SLC7A10: variants seen among roughly 807,000 people sequenced by gnomAD.
The protein encoded by SLC7A10 is solute carrier family 7 member 10.
In SLC7A10, 30 loss-of-function variants were observed where a neutral mutation model predicts 52.7. That is an observed-to-expected ratio of 0.57 (90% CI 0.43 to 0.77). The LOEUF is 0.77. Ranked by LOEUF, SLC7A10 falls within the 30% of genes least tolerant of loss-of-function variation. The probability of loss-of-function intolerance (pLI) is 0.00; values close to 1 mark genes in which losing one functional copy is unlikely to be tolerated. For synonymous variants in SLC7A10, 318 were observed against 314.9 expected (o/e 1.01, Z -0.10); for missense variants, 581 against 698.5 (o/e 0.83, Z 1.90).
chr19:33,213,420 C>G (rs758874703), intron 2 of SLC7A10, among the ~76,000 whole-genome samples: 2 of 151,982 alleles, frequency 1.3e-5, no homozygotes, highest in African/African-American at 4.8e-5. Flanking sequence ...TCCCAAGTAG[C>G]TGGGACTACA....
intron 9 of SLC7A10, among the ~76,000 whole-genome samples, chr19:33,209,760 T>G (rs1408878784): frequency 6.6e-6 from 1 of 152,066 alleles, no homozygotes; most frequent in Non-Finnish European, 1.5e-5. Context: ...TGCACTTGGC[T>G]GGAGGTCAGT....
Position 33,212,320 on chromosome 19 carries a change from C to T in SLC7A10, c.760G>A (p.Val254Ile), listed in dbSNP as rs1974571654. Residue 254 changes from valine to isoleucine, a missense_variant, in exon 5 of 11, where the codon GTC becomes ATC. By Grantham distance (29) the Val-to-Ile change is conservative (BLOSUM62 3). Transcript: ENST00000253188. ...AFSGWNFLNY[V>I]TEEMVDARKN... ...CGGGCGTCAACCATCTCCTCGGTGA[C>T]ATAGTTGAGGAAGTTCCAGCCACTG... 1 of 1,612,318 alleles carries T rather than the reference C, an allele frequency of 6.2e-7. No homozygotes were observed. The highest frequency in any genetic ancestry group is 8.5e-7 in the Non-Finnish European group (1 of 1,179,572).
chr19:33,222,444 A>T (rs1012492935), intron 1 of SLC7A10, among the ~76,000 whole-genome samples: 1,485 of 82,208 alleles, frequency 0.018, 26 homozygotes, highest in Non-Finnish European at 0.025. Flanking sequence ...ATAAAATAAA[A>T]TAAATAAAAT....
chr19:33,211,001 A>G (rs1411395398), intron 7 of SLC7A10, 103 bp from the exon 8 acceptor site: 3 of 1,180,326 alleles, frequency 2.5e-6, no homozygotes, highest in Non-Finnish European at 3.7e-6. Flanking sequence ...CTCCGGGCCC[A>G]GCAGCCCCAC....
In SLC7A10 at chr19:33,225,846, G is replaced by T; in HGVS notation, c.-143C>A. 1.0e-6 allele frequency: 1 copy of T among 987,892 alleles called. No individual in the cohort carries two copies. The highest frequency in any genetic ancestry group is 1.3e-6 in the Non-Finnish European group (1 of 773,922). 61.2% of individuals were successfully genotyped at this position (987,892 alleles called of 1,614,324 possible). ...GGCGCATGCGCTGGCTCCGGGCCCG[G>T]GACTGGGGGCCCCGGGCGGCGGGGG... On this transcript the variant is annotated 5_prime_UTR_variant, in exon 1 of 11. Transcript: ENST00000253188.
rs774785374 is a variant in SLC7A10, at chr19:33,215,937, T to C, written c.188A>G (p.Lys63Arg). 1 of 1,594,616 alleles carries C rather than the reference T, an allele frequency of 6.3e-7. No homozygotes were observed. Among genetic ancestry groups the C allele is most frequent in the Non-Finnish European group, 8.6e-7 (1 of 1,165,874 alleles). The change falls in exon 2 of 11, where the codon AAG (lysine) becomes AGG (arginine). Residue 63 changes from lysine to arginine, a missense_variant. Coordinates refer to ENST00000253188, the MANE Select transcript of SLC7A10 (RefSeq NM_019849.3). ...IIGSGIFISPKGVLEHSGSVG... is the reference protein window; with the variant it reads ...IIGSGIFISPRGVLEHSGSVG... The stretch of plus-strand genomic sequence containing the variant: ...GGAGCCTGAGTGCTCCAGGACCCCC[T>C]TGGGCGAGATGAAGATGCCCGAGCC...
rs746734870 is a variant in SLC7A10 at position 33,212,963 on chromosome 19, G to C, written c.396C>G (p.Pro132=). Residue 132 remains proline (P), a synonymous_variant, in exon 3 of 11, where the codon CCC becomes CCG. Transcript: ENST00000253188. ...TCATGGAGATGACAGCAAGGCTGGT[G>C]GGGTACATGATGAGGACGGCGCTCC... ...LLWSAVLIMY[P]TSLAVISMTF... is the part of the protein sequence containing the mutation. 3.7e-6 allele frequency: 6 copies of C among 1,613,904 alleles called. No individual in the cohort carries two copies. Among genetic ancestry groups the C allele is most frequent in the Non-Finnish European group, 5.1e-6 (6 of 1,179,910 alleles).
intron 2 of SLC7A10, 138 bp downstream of exon 2, chr19:33,215,631 C>CCCCCACACCTTCTCTCCATCCAGCA: frequency 2.3e-6 from 1 of 444,188 alleles, no homozygotes; most frequent in Non-Finnish European, 3.4e-6. Context: ...TCTCCATCCA[C>CCCCCACACCTTCTCTCCATCCAGCA]CCCCCACACC....
At chr19:33,211,803 G>C (rs1974560495) in intron 5 of SLC7A10, 3 of 568,546 alleles carry the variant, frequency 5.3e-6, no homozygotes, top group South Asian at 4.1e-5. Flanking sequence ...TGTGCAGAAA[G>C]ATAAAATCGC....
At position 33,210,771 on chromosome 19, in the gene SLC7A10, C is replaced by T. The variant is rs377742543; in HGVS notation, c.1113+31G>A. ...GCATTGCCGGGTAGCCCTGCCTCCA[C>T]GCCCTGCCTGGCCCAGGTCCCCCAA... On this transcript the variant is annotated intron_variant, in intron 8 of 10. Coordinates refer to ENST00000253188, the MANE Select transcript of SLC7A10 (RefSeq NM_019849.3). The surrounding 1 kb of genome is among the most constrained non-coding windows in gnomAD (Gnocchi z 5.6). The T allele has an allele frequency of 3.2e-5, 52 of 1,611,446 alleles. No individual in the cohort carries two copies. Among genetic ancestry groups the T allele is most frequent in the South Asian group, 5.5e-5 (5 of 91,054 alleles).
chr19:33,216,590 A>C (rs1974689030), intron 1 of SLC7A10, among the ~76,000 whole-genome samples: 1 of 151,506 alleles, frequency 6.6e-6, no homozygotes, highest in South Asian at 2.1e-4. Context: ...TTCCTACTTC[A>C]ATTTCCTTTC....
At chr19:33,224,185 C>T (rs533101418) in intron 1 of SLC7A10, among the ~76,000 whole-genome samples, 4 of 152,292 alleles carry the variant, frequency 2.6e-5, no homozygotes, top group Admixed American at 2.6e-4. Context: ...CTATGACCCA[C>T]TCATGGTGTG....
At chr19:33,222,729 A>G (rs1204499802) in intron 1 of SLC7A10, among the ~76,000 whole-genome samples, 1 of 152,206 alleles carries the variant, frequency 6.6e-6, no homozygotes, top group Non-Finnish European at 1.5e-5. Flanking sequence ...TGTCCTGCAG[A>G]GCCCCTGCCC....
chr19:33,225,683 C>G lies in SLC7A10; in HGVS notation c.21G>C (p.Gln7His). Reference protein sequence around the residue: MAGHTQQPSGRGNPRPA... With the variant: MAGHTQHPSGRGNPRPA... ...GCCTGGGGTTCCCGCGCCCGCTCGG[C>G]TGCTGCGTGTGGCCGGCCATGTCGC... Residue 7 changes from glutamine (Q) to histidine (H), a missense_variant, in exon 1 of 11, where the codon CAG becomes CAC. Coordinates refer to ENST00000253188, the MANE Select transcript of SLC7A10 (RefSeq NM_019849.3). The G allele has an allele frequency of 1.3e-6, 2 of 1,548,376 alleles. No homozygotes were observed. The highest frequency in any genetic ancestry group is 1.2e-5 in the South Asian group (1 of 85,458).
In SLC7A10 at chr19:33,212,417, A is replaced by G. The variant is rs1974575084; in HGVS notation, c.663T>C (p.Asn221=). The part of the protein sequence containing the change: ...QGHFEELRPS[N]AFAFWMTPSV... ...AGGGCGTCATCCAGAAAGCAAAGGC[A>G]TTGCTGGGCCTCAGCTCCTCGAAGT... Residue 221 remains asparagine (N), a synonymous_variant, in exon 5 of 11, where the codon AAT becomes AAC. Coordinates refer to ENST00000253188, the MANE Select transcript of SLC7A10 (RefSeq NM_019849.3). 6.2e-7 allele frequency: 1 copy of G among 1,613,796 alleles called. No homozygotes were observed. Among genetic ancestry groups the G allele is most frequent in the Non-Finnish European group, 8.5e-7 (1 of 1,180,044 alleles).
rs751102281 is a variant in SLC7A10, at chr19:33,210,602, G to A, written c.1128C>T (p.Ala376=). Residue 376 remains alanine, a synonymous_variant, in exon 9 of 11, where the codon GCC becomes GCT. Transcript: ENST00000253188. The surrounding 1 kb of genome is among the most constrained non-coding windows in gnomAD (Gnocchi z 5.6). ...ACGTGTCGCCCACGAGCATGATGAC[G>A]GCTGTGGCCCCGCACTGGGAGAGGA... ...PALLVCCGAT[A]VIMLVGDTYT... The A allele has an allele frequency of 3.0e-5, 48 of 1,611,576 alleles. No homozygotes were observed. Among genetic ancestry groups the A allele is most frequent in the Admixed American group, 6.7e-5 (4 of 60,014 alleles).
intron 1 of SLC7A10, among the ~76,000 whole-genome samples, chr19:33,219,150 C>T (rs1974760906): frequency 6.6e-6 from 1 of 152,120 alleles, no homozygotes; most frequent in Non-Finnish European, 1.5e-5. Context: ...TGCAGGTCCT[C>T]CGTGGGCCAG....
chr19:33,213,070 G>A, intron 2 of SLC7A10, 68 bp from the exon 3 acceptor site: 4 of 1,547,768 alleles, frequency 2.6e-6, no homozygotes, highest in South Asian at 1.2e-5. Context: ...TGGCCCTGAT[G>A]TGTGCAGCAG....
chr19:33,212,968 A>G lies in SLC7A10; in HGVS notation c.391T>C (p.Tyr131His), dbSNP rs1974590683. The G allele has an allele frequency of 6.2e-7, 1 of 1,613,766 alleles. No homozygotes were observed. Among genetic ancestry groups the G allele is most frequent in the Non-Finnish European group, 8.5e-7 (1 of 1,179,844 alleles). ...LLLWSAVLIM[Y>H]PTSLAVISMT... ...GAGATGACAGCAAGGCTGGTGGGGT[A>G]CATGATGAGGACGGCGCTCCAGAGC... The change falls in exon 3 of 11, where the codon TAC becomes CAC. Residue 131 changes from tyrosine (Y) to histidine (H), a missense_variant. By Grantham distance (83) the Tyr-to-His change is moderately conservative. Transcript: ENST00000253188.
Sources: allele counts gnomAD v4.1 joint callset (sites outside exome capture counted in the v4.1 genomes callset), GRCh38; gene constraint gnomAD v4.1.1; non-coding constraint Gnocchi (gnomAD v3.1); transcripts MANE v1.5; gene names NCBI Gene and HGNC (gene_info 2026-07-23, HGNC 2026-07-21).